GATA4: variants seen among roughly 807,000 people sequenced by gnomAD.
GATA4 encodes the protein GATA binding protein 4, also known as transcription factor GATA-4.
In GATA4, 7 loss-of-function variants were observed where a neutral mutation model predicts 37.9. That is an observed-to-expected ratio of 0.18 (90% CI 0.11 to 0.35). The LOEUF (loss-of-function observed/expected upper bound fraction) is 0.35, where lower values mean the gene tolerates loss of function less well. Among genes scored for constraint, GATA4 ranks in the 10% least tolerant of loss-of-function variants. The pLI is 1.00. For synonymous variants in GATA4, 372 were observed against 292.6 expected (o/e 1.27, Z -2.77); for missense variants, 647 against 653.0 (o/e 0.99, Z 0.10).
chr8:11,758,202 A>T (rs1802699830), intron 6 of GATA4, 91 bp from the exon 7 acceptor site: 2 of 1,279,950 alleles, frequency 1.6e-6, no homozygotes, highest in Non-Finnish European at 2.3e-6. Flanking sequence ...TCCTGGGGAC[A>T]TCTGCATAGC....
At chr8:11,754,840 A>G (rs746927384) in intron 4 of GATA4, among the ~76,000 whole-genome samples, 7 of 152,198 alleles carry the variant, frequency 4.6e-5, no homozygotes, top group Non-Finnish European at 1.0e-4. Flanking sequence ...TAGCCATCAC[A>G]TCACACAGGT....
intron 2 of GATA4, among the ~76,000 whole-genome samples, chr8:11,729,110 A>G (rs957529828): frequency 2.6e-5 from 4 of 152,100 alleles, no homozygotes; most frequent in Non-Finnish European, 4.4e-5. Context: ...ACAGGTGCCT[A>G]TAATCCCAAC....
chr8:11,678,947 C>G lies in GATA4; in HGVS notation c.-274+1884C>G, dbSNP rs1037500753. On this transcript the variant is annotated intron_variant, in intron 1 of 6. Coordinates refer to the GATA4 transcript ENST00000528712. ...TTATAAATTACTCTTTCTCCCTGGT[C>G]TAGTCTCAAGTATAATAAAATATCC... 2.0e-5 allele frequency among the ~76,000 whole-genome samples: 3 copies of G among 152,314 alleles called. No homozygotes were observed. The East Asian group carries it at 5.8e-4, about 29-fold the overall frequency.
At chr8:11,695,234 C>T (rs1191030801) in intron 1 of GATA4, among the ~76,000 whole-genome samples, 6 of 152,002 alleles carry the variant, frequency 3.9e-5, no homozygotes, top group Non-Finnish European at 5.9e-5. Flanking sequence ...GGAGAAACCC[C>T]GTCTCTATTA....
At chr8:11,690,763 C>T (rs1799285022), upstream of GATA4, among the ~76,000 whole-genome samples, 1 of 152,174 alleles carries the variant, frequency 6.6e-6, no homozygotes, top group Non-Finnish European at 1.5e-5. Context: ...CCTCGCTACT[C>T]CGGAGGCCGA....
At chr8:11,684,807 A>C (rs766787419) in intron 1 of GATA4, among the ~76,000 whole-genome samples, 2 of 152,208 alleles carry the variant, frequency 1.3e-5, no homozygotes, top group African/African-American at 2.4e-5. Flanking sequence ...AAAACTCTTC[A>C]GAAATTAAAT....
chr8:11,688,042 C>G (rs967658407), upstream of GATA4, among the ~76,000 whole-genome samples: 3 of 152,180 alleles, frequency 2.0e-5, no homozygotes, highest in Non-Finnish European at 4.4e-5. Flanking sequence ...ACAGCTTAAA[C>G]CCAACTGAGT....
Position 11,707,136 on chromosome 8 carries a change from C to T in GATA4, c.-457-720C>T, listed in dbSNP as rs1480370387. On this transcript the variant is annotated intron_variant, in intron 1 of 6. Coordinates refer to ENST00000532059, the MANE Select transcript of GATA4 (RefSeq NM_001308093.3). The surrounding 1 kb of genome is among the most constrained non-coding windows in gnomAD (Gnocchi z 4.7). ...GTAGAGCGGCATTGTACATTCTTCT[C>T]ACTTTTCTGGTTCTGATATACAATT... is the stretch of plus-strand genomic sequence containing the variant. 1.3e-5 allele frequency among the ~76,000 whole-genome samples: 2 copies of T among 152,150 alleles called. No homozygotes were observed. The highest frequency in any genetic ancestry group is 2.4e-5 in the African/African-American group (1 of 41,426).
At chr8:11,715,431 T>C (rs898950008) in intron 2 of GATA4, among the ~76,000 whole-genome samples, 7 of 152,140 alleles carry the variant, frequency 4.6e-5, no homozygotes, top group African/African-American at 1.4e-4. Flanking sequence ...TACAGGGAAG[T>C]TAAAGTTAAG....
At chr8:11,756,159 G>C (rs765367381) in intron 5 of GATA4, among the ~76,000 whole-genome samples, 1 of 152,124 alleles carries the variant, frequency 6.6e-6, no homozygotes, top group Non-Finnish European at 1.5e-5. Flanking sequence ...AAAATGAATT[G>C]GCTGATCTGA....
At chr8:11,727,556 T>C (rs1800988763) in intron 2 of GATA4, among the ~76,000 whole-genome samples, 1 of 152,196 alleles carries the variant, frequency 6.6e-6, no homozygotes, top group Admixed American at 6.5e-5. Context: ...TTAAAATTCC[T>C]GCTAGCCTGG....
intron 1 of GATA4, chr8:11,683,181 G>A: frequency 1.1e-6 from 1 of 934,828 alleles, no homozygotes; most frequent in Non-Finnish European, 1.3e-6. Context: ...AATCTGGACA[G>A]CAGCAGGAAC....
chr8:11,697,533 C>T, intron 1 of GATA4: 1 of 984,786 alleles, frequency 1.0e-6, no homozygotes, highest in African/African-American at 1.7e-5. Context: ...GAGAGGTGGT[C>T]GTGGAGGCCA....
chr8:11,727,373 A>G (rs898386898), intron 2 of GATA4, among the ~76,000 whole-genome samples: 2 of 152,182 alleles, frequency 1.3e-5, no homozygotes, highest in Non-Finnish European at 2.9e-5. Context: ...CTGGCCATAT[A>G]AGCAGCTGTT....
At chr8:11,680,513 G>T (rs1026620017) in intron 1 of GATA4, 2 of 985,482 alleles carry the variant, frequency 2.0e-6, no homozygotes, top group South Asian at 9.4e-5. Flanking sequence ...ACATGGGCCA[G>T]GTCACCTCGG....
intron 1 of GATA4, among the ~76,000 whole-genome samples, chr8:11,679,163 A>G (rs180895258): frequency 3.5e-4 from 42 of 118,828 alleles, no homozygotes; most frequent in African/African-American, 1.2e-3. Context: ...ATTCGAGGCA[A>G]TTATCCGAAT....
chr8:11,755,219 C>A, intron 5 of GATA4, 86 bp downstream of exon 5: 1 of 1,101,380 alleles, frequency 9.1e-7, no homozygotes, highest in South Asian at 1.3e-5. Context: ...GTTAGGCAGG[C>A]CAGCCCGGGC....
chr8:11,708,745 G>C lies in GATA4; in HGVS notation c.433G>C (p.Gly145Arg). 1 of 1,334,802 alleles carries C rather than the reference G, an allele frequency of 7.5e-7. No homozygotes were observed. The highest frequency in any genetic ancestry group is 2.0e-5 in the South Asian group (1 of 50,172). 82.7% of individuals were successfully genotyped at this position (1,334,802 alleles called of 1,614,324 possible). A position where few individuals can be genotyped will look rare whatever the true frequency, so the allele number is the denominator to read the frequency against. The stretch of plus-strand genomic sequence containing the variant: ...CGGAGCGGCGGGTGCGGGCCTGGCG[G>C]GCCGCGAGCAGTACGGGCGCGCCGG... ...GGGAAGAGLAGREQYGRAGFA... is the reference protein window; with the variant it reads ...GGGAAGAGLARREQYGRAGFA... The change falls in exon 2 of 7, where the codon GGC becomes CGC. Residue 145 changes from glycine to arginine, a missense_variant. Coordinates refer to ENST00000532059, the MANE Select transcript of GATA4 (RefSeq NM_001308093.3). This position sits in a 1 kb window ranked among gnomAD's most constrained non-coding sequence, Gnocchi z 6.7.
chr8:11,691,966 T>C (rs888805324), upstream of GATA4: 44 of 973,076 alleles, frequency 4.5e-5, no homozygotes, highest in Non-Finnish European at 5.0e-5. Flanking sequence ...CCATGTTGCT[T>C]ACAATGTTGA....
Sources: gnomAD v4.1 joint callset for allele counts (sites outside exome capture counted in the v4.1 genomes callset) on GRCh38, gnomAD v4.1.1 for gene constraint, Gnocchi (gnomAD v3.1) non-coding constraint, MANE v1.5 for transcripts, NCBI Gene and HGNC (gene_info 2026-07-23, HGNC 2026-07-21) for gene names.